R3HDM1: variants seen among roughly 807,000 people sequenced by gnomAD.
R3HDM1 encodes R3H domain containing 1.
In R3HDM1, 46 loss-of-function variants were observed where a neutral mutation model predicts 141.1. That is an observed-to-expected ratio of 0.33 (90% CI 0.26 to 0.42). R3HDM1 has a LOEUF of 0.42. R3HDM1 is among the 10% of genes least tolerant of loss of function. R3HDM1 has a pLI of 1.00. For synonymous variants in R3HDM1, 435 were observed against 472.9 expected (o/e 0.92, Z 1.04); for missense variants, 1,184 against 1,368.3 (o/e 0.87, Z 2.12).
At position 135,622,682 on chromosome 2, in the gene R3HDM1, T is replaced by C. The variant is rs1163065703; in HGVS notation, c.447T>C (p.Thr149=). ...RDSSQEYTDS[T]GIDLHEFLVN... ...CCAGTCAAGAATACACTGATTCAAC[T>C]GGCATAGATCTACATGAATTTTTAG... is the stretch of plus-strand genomic sequence containing the variant. The change falls in exon 7 of 27, where the codon ACT becomes ACC. Residue 149 remains threonine (T), a synonymous_variant. Transcript: ENST00000683871. 1 of 1,602,606 alleles carries C rather than the reference T, an allele frequency of 6.2e-7. No individual in the cohort carries two copies. The highest frequency in any genetic ancestry group is 8.5e-7 in the Non-Finnish European group (1 of 1,173,636).
intron 19 of R3HDM1, among the ~76,000 whole-genome samples, chr2:135,675,029 T>C (rs2105341537): frequency 6.6e-6 from 1 of 152,228 alleles, no homozygotes; most frequent in South Asian, 2.1e-4. Flanking sequence ...AGAAACTAGT[T>C]ATCATAATCG....
intron 17 of R3HDM1, chr2:135,651,010 C>G: frequency 1.0e-6 from 1 of 985,358 alleles, no homozygotes; most frequent in Middle Eastern, 5.2e-4. Context: ...TGGTCCTTAT[C>G]CTGTTGAATT....
At chr2:135,677,075 G>A (rs923659506) in intron 20 of R3HDM1, among the ~76,000 whole-genome samples, 2 of 152,082 alleles carry the variant, frequency 1.3e-5, no homozygotes, top group African/African-American at 4.8e-5. Flanking sequence ...AAAATGATGG[G>A]CGTAAATTGG....
At chr2:135,684,492 A>G (rs1249902329) in intron 21 of R3HDM1, among the ~76,000 whole-genome samples, 2 of 152,214 alleles carry the variant, frequency 1.3e-5, no homozygotes, top group East Asian at 1.9e-4. Flanking sequence ...TAACCTCTCT[A>G]TGCTTTTTAA....
intron 1 of R3HDM1, among the ~76,000 whole-genome samples, chr2:135,563,400 C>G (rs1318593481): frequency 2.0e-5 from 3 of 152,204 alleles, no homozygotes; most frequent in African/African-American, 7.2e-5. Context: ...GCTGCCACGA[C>G]TCCTAGGTCC....
intron 18 of R3HDM1, among the ~76,000 whole-genome samples, chr2:135,659,224 A>G (rs1394367432): frequency 2.0e-5 from 3 of 151,878 alleles, no homozygotes; most frequent in East Asian, 3.9e-4. Context: ...CAGCCCCCCA[A>G]GTAGCTGGGA....
At chr2:135,656,965 G>T (rs1028581388) in intron 18 of R3HDM1, among the ~76,000 whole-genome samples, 2 of 151,678 alleles carry the variant, frequency 1.3e-5, no homozygotes, top group Non-Finnish European at 2.9e-5. Context: ...CGGACCTGGT[G>T]GTGGGTGCCT....
chr2:135,543,020 G>C (rs1196928604), intron 1 of R3HDM1: 4 of 863,596 alleles, frequency 4.6e-6, no homozygotes, highest in Non-Finnish European at 5.6e-6. Context: ...TTACAGGTGT[G>C]AGCCACTGTC....
chr2:135,708,362 A>G (rs926928854), intron 21 of R3HDM1, among the ~76,000 whole-genome samples: 1 of 152,212 alleles, frequency 6.6e-6, no homozygotes, highest in African/African-American at 2.4e-5. Context: ...CGATTGCGTC[A>G]TCATACTGTC....
chr2:135,636,079 T>C lies in R3HDM1; in HGVS notation c.808-9T>C. ...TTCATTTGCCTAAAAATTATCCTCTTTTCTGTAGATGAGAATACGTTTGAA... is the reference window on the plus strand; with the variant it reads ...TTCATTTGCCTAAAAATTATCCTCTCTTCTGTAGATGAGAATACGTTTGAA... On this transcript the variant is annotated splice_polypyrimidine_tract_variant and intron_variant, in intron 10 of 26. Coordinates refer to ENST00000683871, the MANE Select transcript of R3HDM1 (RefSeq NM_001378107.1). The C allele has an allele frequency of 6.2e-7, 1 of 1,612,076 alleles. No individual in the cohort carries two copies. Among genetic ancestry groups the C allele is most frequent in the Non-Finnish European group, 8.5e-7 (1 of 1,179,200 alleles).
chr2:135,659,438 A>G (rs1352669157), intron 18 of R3HDM1, among the ~76,000 whole-genome samples: 1 of 148,698 alleles, frequency 6.7e-6, no homozygotes, highest in Non-Finnish European at 1.5e-5. Context: ...GCAGGACTAC[A>G]TTCTTTTTTT....
chr2:135,698,943 A>G (rs938747971), intron 21 of R3HDM1, among the ~76,000 whole-genome samples: 10 of 151,954 alleles, frequency 6.6e-5, no homozygotes, highest in African/African-American at 2.4e-4. Context: ...TGTGAATGAG[A>G]TTTAGGTGGA....
chr2:135,572,232 G>T (rs1704288030), intron 1 of R3HDM1, among the ~76,000 whole-genome samples: 1 of 152,148 alleles, frequency 6.6e-6, no homozygotes, highest in African/African-American at 2.4e-5. Context: ...TGGGATTACA[G>T]GCATGAGCCA....
chr2:135,567,144 T>C (rs1308090650), intron 1 of R3HDM1, among the ~76,000 whole-genome samples: 2 of 151,996 alleles, frequency 1.3e-5, no homozygotes, highest in African/African-American at 4.8e-5. Flanking sequence ...TACAGATGAG[T>C]GTATGAATTT....
intron 1 of R3HDM1, among the ~76,000 whole-genome samples, chr2:135,580,609 T>G (rs1706595977): frequency 6.6e-6 from 1 of 152,216 alleles, no homozygotes; most frequent in African/African-American, 2.4e-5. Flanking sequence ...GTCACTCTCC[T>G]AATTGTCTTC....
At chr2:135,617,240 T>C (rs1300291816) in intron 5 of R3HDM1, among the ~76,000 whole-genome samples, 1 of 151,782 alleles carries the variant, frequency 6.6e-6, no homozygotes, top group East Asian at 1.9e-4. Flanking sequence ...GGCAGGAAAA[T>C]GGTGTGAACC....
chr2:135,705,385 C>T (rs1250673738), intron 21 of R3HDM1, among the ~76,000 whole-genome samples: 1 of 152,150 alleles, frequency 6.6e-6, no homozygotes, highest in Non-Finnish European at 1.5e-5. Flanking sequence ...GGTGCTTTGC[C>T]CTAGGTCAGG....
chr2:135,601,364 GTGAT>G (rs2059610638), intron 1 of R3HDM1, among the ~76,000 whole-genome samples: 2 of 152,162 alleles, frequency 1.3e-5, no homozygotes, highest in Admixed American at 1.3e-4. Context: ...CGGGTTCCAA[GTGAT>G]TGTATTTCAA....
intron 1 of R3HDM1, among the ~76,000 whole-genome samples, chr2:135,584,881 C>T (rs1050957147): frequency 3.9e-5 from 6 of 152,140 alleles, no homozygotes; most frequent in African/African-American, 1.4e-4. Flanking sequence ...ACAAGAGTTT[C>T]TGTTACAGTT....
Sources: gnomAD v4.1 joint callset for allele counts (sites outside exome capture counted in the v4.1 genomes callset) on GRCh38, gnomAD v4.1.1 for gene constraint, MANE v1.5 for transcripts, NCBI Gene and HGNC (gene_info 2026-07-23, HGNC 2026-07-21) for gene names.